TEKT5: variants seen among roughly 807,000 people sequenced by gnomAD.
TEKT5 encodes the protein tektin-5.
In TEKT5, 52 loss-of-function variants were observed where a neutral mutation model predicts 48.7. The ratio of observed to expected loss-of-function variants is 1.07; its 90% CI spans 0.86 to 1.35. TEKT5 has a LOEUF of 1.35. Ranked by LOEUF, TEKT5 falls within the 40% of genes most tolerant of loss-of-function variation. The pLI is 0.00. For synonymous variants in TEKT5, 318 were observed against 267.6 expected (o/e 1.19, Z -1.84); for missense variants, 831 against 641.6 (o/e 1.30, Z -3.19).
intron 6 of TEKT5, among the ~76,000 whole-genome samples, chr16:10,628,612 G>C (rs1270432492): frequency 3.3e-5 from 5 of 152,148 alleles, no homozygotes; most frequent in African/African-American, 1.2e-4. Flanking sequence ...TAATAAAAAG[G>C]AATGAAATAC....
intron 5 of TEKT5, among the ~76,000 whole-genome samples, chr16:10,654,481 C>T (rs894911340): frequency 6.6e-6 from 1 of 152,176 alleles, no homozygotes; most frequent in African/African-American, 2.4e-5. Context: ...CTGGAAGAAA[C>T]TAACGTTTGA....
chr16:10,673,962 T>C (rs1898595535), intron 5 of TEKT5, among the ~76,000 whole-genome samples: 1 of 152,046 alleles, frequency 6.6e-6, no homozygotes, highest in Admixed American at 6.6e-5. Context: ...GCTGCATCCA[T>C]TCTTAACCTC....
intron 4 of TEKT5, among the ~76,000 whole-genome samples, chr16:10,681,590 T>A (rs987474163): frequency 2.9e-4 from 43 of 145,852 alleles, no homozygotes; most frequent in Admixed American, 6.7e-4. Context: ...GTCACTTGTT[T>A]CGGAATTTTT....
chr16:10,682,561 C>G (rs965579347), intron 3 of TEKT5, among the ~76,000 whole-genome samples: 2 of 152,208 alleles, frequency 1.3e-5, no homozygotes, highest in African/African-American at 2.4e-5. Context: ...CTCCTAGGCT[C>G]AAGTGATCCC....
chr16:10,673,445 C>G (rs1472342017), intron 5 of TEKT5, among the ~76,000 whole-genome samples: 1 of 152,068 alleles, frequency 6.6e-6, no homozygotes, highest in Non-Finnish European at 1.5e-5. Flanking sequence ...GTTTGCCAAC[C>G]CTGTCCTAGA....
At chr16:10,657,041 T>C (rs1291683015) in intron 5 of TEKT5, among the ~76,000 whole-genome samples, 1 of 152,160 alleles carries the variant, frequency 6.6e-6, no homozygotes, top group African/African-American at 2.4e-5. Context: ...ACCCAGCCTA[T>C]ATTTTTGACT....
intron 3 of TEKT5, among the ~76,000 whole-genome samples, chr16:10,684,364 C>A (rs566108463): frequency 5.3e-5 from 8 of 151,666 alleles, no homozygotes; most frequent in African/African-American, 1.9e-4. Flanking sequence ...CTCTGTGTGT[C>A]TCTGTGGGTC....
intron 5 of TEKT5, among the ~76,000 whole-genome samples, chr16:10,668,324 C>G (rs892511989): frequency 6.6e-6 from 1 of 152,160 alleles, no homozygotes; most frequent in Non-Finnish European, 1.5e-5. Context: ...AGTCTTCCTC[C>G]GTGACACCAT....
At chr16:10,674,827 T>A (rs1898616248) in intron 5 of TEKT5, among the ~76,000 whole-genome samples, 1 of 137,528 alleles carries the variant, frequency 7.3e-6, no homozygotes, top group African/African-American at 2.6e-5. Flanking sequence ...CAGTTCTTAT[T>A]TTTTTTTTTT....
At chr16:10,629,619 C>G (rs897795028) in intron 6 of TEKT5, among the ~76,000 whole-genome samples, 3 of 152,152 alleles carry the variant, frequency 2.0e-5, no homozygotes, top group African/African-American at 4.8e-5. Flanking sequence ...TCAGGTCTTC[C>G]TTACTGGCCA....
At chr16:10,694,149 A>G (rs1388824503) in intron 1 of TEKT5, among the ~76,000 whole-genome samples, 161 bp downstream of exon 1, 2 of 152,220 alleles carry the variant, frequency 1.3e-5, no homozygotes, top group East Asian at 1.9e-4. Context: ...GACTGGGATT[A>G]TCCTGAATTG....
intron 5 of TEKT5, among the ~76,000 whole-genome samples, chr16:10,665,236 G>A (rs1056580898): frequency 6.6e-6 from 1 of 152,086 alleles, no homozygotes; most frequent in African/African-American, 2.4e-5. Flanking sequence ...GGGAATGCTG[G>A]GGCATAACAT....
intron 5 of TEKT5, among the ~76,000 whole-genome samples, chr16:10,664,254 T>C (rs938343084): frequency 1.2e-4 from 18 of 152,176 alleles, no homozygotes; most frequent in African/African-American, 4.3e-4. Context: ...ATGGGCTAAG[T>C]ACATATCTGC....
At chr16:10,634,598 G>C (rs532358534) in intron 6 of TEKT5, among the ~76,000 whole-genome samples, 189 of 152,260 alleles carry the variant, frequency 1.2e-3, no homozygotes, top group Admixed American at 1.9e-3. Flanking sequence ...CTTGAGTGTG[G>C]ACCTAGAGAT....
chr16:10,664,668 C>A (rs1024694987), intron 5 of TEKT5, among the ~76,000 whole-genome samples: 19 of 152,212 alleles, frequency 1.2e-4, no homozygotes, highest in Non-Finnish European at 2.9e-5. Context: ...CTCACCTGCA[C>A]CTTCTCACTT....
rs768407877 is a variant in TEKT5, at chr16:10,694,739, G to T, written c.135C>A (p.Arg45=). 7.7e-5 allele frequency: 124 copies of T among 1,614,018 alleles called. No homozygotes were observed. Among genetic ancestry groups the T allele is most frequent in the Non-Finnish European group, 1.0e-4 (120 of 1,179,998 alleles). ...CYQPYYLPGY[R]YLNSWRPSLF... ...GGCTAGGCCTCCATGAATTGAGGTAGCGGTACCCGGGCAGGTAGTAGGGCT... is the reference window on the plus strand; with the variant it reads ...GGCTAGGCCTCCATGAATTGAGGTATCGGTACCCGGGCAGGTAGTAGGGCT... The change falls in exon 1 of 7, where the codon CGC becomes CGA. Residue 45 remains arginine, a synonymous_variant. Transcript: ENST00000283025.
At chr16:10,650,923 C>T in intron 5 of TEKT5, among the ~76,000 whole-genome samples, 1 of 150,414 alleles carries the variant, frequency 6.6e-6, no homozygotes, top group Admixed American at 6.6e-5. Flanking sequence ...ATCTGGGGGG[C>T]AGCCCCTGCT....
At chr16:10,672,042 A>T (rs1253146000) in intron 5 of TEKT5, among the ~76,000 whole-genome samples, 1 of 152,190 alleles carries the variant, frequency 6.6e-6, no homozygotes, top group Non-Finnish European at 1.5e-5. Context: ...TAATGGGTGC[A>T]GAGTTTCAGA....
chr16:10,681,560 T>G (rs1009889135), intron 4 of TEKT5, among the ~76,000 whole-genome samples: 21 of 151,970 alleles, frequency 1.4e-4, no homozygotes, highest in Admixed American at 1.4e-3. Context: ...CCGACCCCAG[T>G]TGGTCTCCCT....
Sources: allele counts gnomAD v4.1 joint callset (sites outside exome capture counted in the v4.1 genomes callset), GRCh38; gene constraint gnomAD v4.1.1; transcripts MANE v1.5; gene names NCBI Gene and HGNC (gene_info 2026-07-23, HGNC 2026-07-21).